Variants in CES4A observed in about 807,000 individuals in gnomAD.
CES4A encodes the protein carboxylesterase 6.
A neutral mutation model predicts 65.4 loss-of-function variants in CES4A; 48 were observed. That is an observed-to-expected ratio of 0.73 (90% CI 0.58 to 0.93). CES4A has a LOEUF of 0.93. Among genes scored for constraint, CES4A ranks in the 40% least tolerant of loss-of-function variants. CES4A has a pLI of 0.00. For missense variants in CES4A, 685 were observed against 728.5 expected, an observed-to-expected ratio of 0.94 and a Z score of 0.69; for synonymous variants, 247 against 281.8, an observed-to-expected ratio of 0.88 and a Z score of 1.24.
rs114565688 is a variant in CES4A, at chr16:67,008,851, A to T, written c.1518-123A>T. On this transcript the variant is annotated intron_variant, in intron 13 of 13. Coordinates refer to ENST00000648724, the Ensembl canonical transcript of CES4A. The stretch of plus-strand genomic sequence containing the variant: ...CCTACTCTTTATTAAAGTTCTAAGT[A>T]TCATCTCCGTAAAGCCCTCTGGAAC... The T allele has an allele frequency of 1.4e-4, 129 of 941,406 alleles. 1 individual carries two copies. The African/African-American group carries it at 1.8e-3, about 13-fold the overall frequency. 58.3% of individuals were successfully genotyped at this position (941,406 alleles called of 1,614,324 possible). A position where few individuals can be genotyped will look rare whatever the true frequency, so the allele number is the denominator to read the frequency against.
At chr16:66,989,043 G>A (rs761882953) in intron 1 of CES4A, among the ~76,000 whole-genome samples, 3 of 152,182 alleles carry the variant, frequency 2.0e-5, no homozygotes, top group Non-Finnish European at 4.4e-5. Context: ...GGGCTTCTCT[G>A]TATTTCCTGC....
rs1483420404 is a variant in CES4A at position 67,000,728 on chromosome 16, G to C, written c.351G>C (p.Leu117=). 6.5e-7 allele frequency: 1 copy of C among 1,550,030 alleles called. No homozygotes were observed. Among genetic ancestry groups the C allele is most frequent in the Admixed American group, 2.0e-5 (1 of 51,040 alleles). Residue 117 remains leucine, a synonymous_variant, in exon 3 of 14, where the codon CTG becomes CTC. Transcript: ENST00000648724. The surrounding 1 kb of genome is among the most constrained non-coding windows in gnomAD (Gnocchi z 4.2). Reference sequence around the variant, plus strand: ...GGCTGCGCTTCAGCGAGGACTGTCTGTACCTGAACGTGTACGCGCCGGCGC... The same window carrying C: ...GGCTGCGCTTCAGCGAGGACTGTCTCTACCTGAACGTGTACGCGCCGGCGC...
chr16:67,004,729 T>C (rs1373971565), intron 9 of CES4A, 64 bp from the exon 10 acceptor site: 4 of 1,351,662 alleles, frequency 3.0e-6, no homozygotes, highest in Non-Finnish European at 4.1e-6. Context: ...CCTTTGTAGC[T>C]CTGGCCAGAA....
chr16:66,995,296 C>T (rs1317078466), intron 1 of CES4A, among the ~76,000 whole-genome samples: 1 of 150,522 alleles, frequency 6.6e-6, no homozygotes, highest in East Asian at 1.9e-4. Context: ...GGCGACAGAG[C>T]AAGACTCCAT....
chr16:67,009,171 G>C (rs1597108164), exon 14 of CES4A: 2 of 1,599,558 alleles, frequency 1.3e-6, no homozygotes, highest in East Asian at 4.5e-5. Flanking sequence ...GAGCCAAAGA[G>C]GGGTTTGCCC....
At chr16:66,999,916 G>A (rs1567577990) in intron 2 of CES4A, among the ~76,000 whole-genome samples, 2 of 152,134 alleles carry the variant, frequency 1.3e-5, no homozygotes, top group African/African-American at 4.8e-5. Context: ...AGGGCAGAAG[G>A]CATTTGCTTG....
chr16:67,000,751 C>T lies in CES4A; in HGVS notation c.374C>T (p.Ala125Val). ...CTGTACCTGAACGTGTACGCGCCGG[C>T]GCGCGCGCCCGGGGATCCCCAGCTG... The change falls in exon 3 of 14, where the codon GCG becomes GTG. Residue 125 changes from alanine to valine, a missense_variant. Transcript: ENST00000648724. This position sits in a 1 kb window ranked among gnomAD's most constrained non-coding sequence, Gnocchi z 4.2. The T allele has an allele frequency of 1.3e-6, 2 of 1,549,216 alleles. No individual in the cohort carries two copies. Among genetic ancestry groups the T allele is most frequent in the South Asian group, 1.2e-5 (1 of 84,042 alleles).
intron 1 of CES4A, among the ~76,000 whole-genome samples, chr16:66,995,108 G>A (rs1424637853): frequency 7.2e-5 from 11 of 151,918 alleles, no homozygotes; most frequent in African/African-American, 2.2e-4. Flanking sequence ...TCAGGAGATC[G>A]AGACCATCCT....
At chr16:67,004,903 G>C in intron 10 of CES4A, 30 bp downstream of exon 10, 5 of 1,507,118 alleles carry the variant, frequency 3.3e-6, no homozygotes, top group Non-Finnish European at 4.5e-6. Context: ...GGGGTGCTCA[G>C]TTCGGACAGG....
At chr16:66,999,155 G>T (rs1161039280) in intron 2 of CES4A, among the ~76,000 whole-genome samples, 1 of 152,210 alleles carries the variant, frequency 6.6e-6, no homozygotes, top group African/African-American at 2.4e-5. Flanking sequence ...AATGCTGTAG[G>T]GAAGGACTGG....
chr16:66,996,762 A>G (rs1424057520), intron 2 of CES4A, among the ~76,000 whole-genome samples: 2 of 152,176 alleles, frequency 1.3e-5, no homozygotes, highest in African/African-American at 2.4e-5. Context: ...GCTGTTAAAA[A>G]CAGGTTGTTG....
intron 1 of CES4A, among the ~76,000 whole-genome samples, 179 bp from the exon 2 acceptor site, chr16:66,995,449 C>T (rs1189750254): frequency 6.6e-6 from 1 of 152,194 alleles, no homozygotes; most frequent in Non-Finnish European, 1.5e-5. Flanking sequence ...AAAGCAGCCA[C>T]TGCTTCCCAT....
intron 11 of CES4A, 27 bp downstream of exon 11, chr16:67,005,420 C>T: frequency 6.2e-7 from 1 of 1,608,840 alleles, no homozygotes; most frequent in Non-Finnish European, 8.5e-7. Flanking sequence ...AGAGTGGCCA[C>T]ACTGGCCCCG....
chr16:67,004,774 G>T lies in CES4A; in HGVS notation c.1081-19G>T, dbSNP rs1264579062. 2 of 1,534,834 alleles carry T rather than the reference G, an allele frequency of 1.3e-6. No homozygotes were observed. The highest frequency in any genetic ancestry group is 2.7e-5 in the African/African-American group (2 of 73,010). On this transcript the variant is annotated intron_variant, in intron 9 of 13. Coordinates refer to ENST00000648724, the Ensembl canonical transcript of CES4A. ...ATGCTCAGGCCTGACCCACACTGGG[G>T]TCCTTGTCTTGTGAACAGATCATGA...
intron 13 of CES4A, chr16:67,007,685 A>C (rs1378299272): frequency 6.6e-6 from 1 of 151,830 alleles, no homozygotes; most frequent in Non-Finnish European, 1.5e-5. Flanking sequence ...TAGTGGTGCA[A>C]TCACAGCTCA....
At chr16:66,995,178 C>T (rs970743686) in intron 1 of CES4A, among the ~76,000 whole-genome samples, 26 of 150,688 alleles carry the variant, frequency 1.7e-4, no homozygotes, top group South Asian at 1.3e-3. Context: ...GGTGTGGTGG[C>T]GGGCGCCTGT....
chr16:66,995,283 C>G (rs1597060598), intron 1 of CES4A, among the ~76,000 whole-genome samples: 1 of 151,730 alleles, frequency 6.6e-6, no homozygotes, highest in African/African-American at 2.4e-5. Context: ...GCACTCCAGC[C>G]TGGGCGACAG....
At chr16:67,006,402 C>A (rs1567589771) in exon 12 of CES4A, 1 of 1,536,604 alleles carries the variant, frequency 6.5e-7, no homozygotes, top group Admixed American at 2.0e-5. Context: ...TGCCGGCCTC[C>A]CTGTCTACCT....
rs1964153249 is a variant in CES4A, at chr16:66,988,836, A to AC, written c.58+11dup. On this transcript the variant is annotated splice_region_variant and intron_variant, in intron 1 of 13. Coordinates refer to ENST00000648724, the Ensembl canonical transcript of CES4A. ...GATGGCGCAGACGGCCTTGGGTAAG[A>AC]CCCCCACCCCTTCCCGAGAGTGTCA... 3.8e-6 allele frequency: 6 copies of AC among 1,560,240 alleles called. No individual in the cohort carries two copies. The highest frequency in any genetic ancestry group is 5.2e-6 in the Non-Finnish European group (6 of 1,151,746).
Sources: allele counts gnomAD v4.1 joint callset (sites outside exome capture counted in the v4.1 genomes callset), GRCh38; gene constraint gnomAD v4.1.1; non-coding constraint Gnocchi (gnomAD v3.1); transcripts MANE v1.5; gene names NCBI Gene and HGNC (gene_info 2026-07-23, HGNC 2026-07-21).